MYL11: variants seen among roughly 807,000 people sequenced by gnomAD.
The protein encoded by MYL11 is myosin light chain 11.
the MYL11 span, among the ~76,000 whole-genome samples, chr16:30,373,284 C>T: frequency 1.1e-4 from 16 of 152,174 alleles, no homozygotes; most frequent in African/African-American, 3.4e-4. Context: ...TGGTGAAACG[C>T]CATCTCTACT....
At chr16:30,376,077 C>T in the MYL11 span, 1 of 1,565,406 alleles carries the variant, frequency 6.4e-7, no homozygotes, top group Non-Finnish European at 8.8e-7. Flanking sequence ...GCATCTGATC[C>T]TCCTGGGGTA....
chr16:30,373,879 TAC>T, the MYL11 span, among the ~76,000 whole-genome samples: 3 of 152,132 alleles, frequency 2.0e-5, no homozygotes, highest in Admixed American at 2.0e-4. Context: ...CCCTCACACT[TAC>T]ACACACTTGA....
the MYL11 span, chr16:30,376,720 C>T: frequency 6.2e-7 from 1 of 1,604,366 alleles, no homozygotes; most frequent in Non-Finnish European, 8.5e-7. Flanking sequence ...CTCCCCCACC[C>T]TTCCGACCCT....
chr16:30,376,965 C>A, the MYL11 span, among the ~76,000 whole-genome samples: 1 of 152,170 alleles, frequency 6.6e-6, no homozygotes, highest in Non-Finnish European at 1.5e-5. Context: ...GTAATCCCAG[C>A]ACTTTGGGAG....
chr16:30,373,571 G>C, the MYL11 span, among the ~76,000 whole-genome samples: 2 of 150,694 alleles, frequency 1.3e-5, no homozygotes, highest in Admixed American at 1.3e-4. Context: ...ACTCCAGCCC[G>C]GATAACAAAA....
At chr16:30,377,436 A>C in the MYL11 span, 1 of 448,684 alleles carries the variant, frequency 2.2e-6, no homozygotes, top group East Asian at 3.4e-5. Context: ...TGCCAGAGGT[A>C]AGGGAGTAGT....
the MYL11 span, chr16:30,377,819 C>A: frequency 1.9e-6 from 3 of 1,613,194 alleles, no homozygotes; most frequent in Non-Finnish European, 2.5e-6. Flanking sequence ...GGGCGGCCTT[C>A]CCCCCCGACG....
At chr16:30,377,715 C>A in the MYL11 span, 1 of 1,578,668 alleles carries the variant, frequency 6.3e-7, no homozygotes, top group Non-Finnish European at 8.7e-7. Flanking sequence ...GAGTGGGGAC[C>A]GGGGCGGGGC....
At chr16:30,376,061 G>C in the MYL11 span, 4 of 1,531,958 alleles carry the variant, frequency 2.6e-6, no homozygotes, top group Non-Finnish European at 3.6e-6. Context: ...AGTTGGCTGA[G>C]AGCCAGCATC....
At chr16:30,375,761 C>G in the MYL11 span, 1 of 1,400,460 alleles carries the variant, frequency 7.1e-7, no homozygotes, top group Non-Finnish European at 1.0e-6. Context: ...TAATCCATTG[C>G]CCCCAGAGAG....
chr16:30,371,972 G>C, the MYL11 span, among the ~76,000 whole-genome samples: 1 of 152,082 alleles, frequency 6.6e-6, no homozygotes, highest in East Asian at 1.9e-4. Flanking sequence ...GTGAGACCTA[G>C]CTCCCGACTT....
chr16:30,371,265 C>T, the MYL11 span, among the ~76,000 whole-genome samples: 2 of 152,152 alleles, frequency 1.3e-5, no homozygotes, highest in African/African-American at 2.4e-5. Flanking sequence ...ATTAGTGCAG[C>T]CCTCAACCAA....
the MYL11 span, chr16:30,374,934 G>T: frequency 6.4e-7 from 1 of 1,562,142 alleles, no homozygotes. Flanking sequence ...AAAGAAAGTA[G>T]CTGGTTCCCA....
chr16:30,376,736 C>A, the MYL11 span: 30 of 1,583,996 alleles, frequency 1.9e-5, no homozygotes, highest in Non-Finnish European at 2.6e-5. Flanking sequence ...ACCCTTCCCC[C>A]ACTCCACCAG....
chr16:30,374,886 C>T, the MYL11 span: 1 of 1,612,764 alleles, frequency 6.2e-7, no homozygotes, highest in South Asian at 1.1e-5. Flanking sequence ...CCAACCCCTG[C>T]CCAGATCCCT....
the MYL11 span, chr16:30,376,053 T>C: frequency 1.3e-6 from 2 of 1,516,380 alleles, no homozygotes; most frequent in African/African-American, 2.7e-5. Flanking sequence ...AAGAGGACAG[T>C]TGGCTGAGAG....
chr16:30,373,542 G>A, the MYL11 span, among the ~76,000 whole-genome samples: 2 of 150,768 alleles, frequency 1.3e-5, no homozygotes, highest in African/African-American at 4.9e-5. Flanking sequence ...GTTACAGTGA[G>A]CCAAGATCAC....
chr16:30,371,827 C>G, the MYL11 span, among the ~76,000 whole-genome samples: 1 of 152,168 alleles, frequency 6.6e-6, no homozygotes, highest in Non-Finnish European at 1.5e-5. Flanking sequence ...CTCATGAGCG[C>G]TCCAGGTTGT....
the MYL11 span, chr16:30,377,918 C>T: frequency 6.3e-6 from 10 of 1,592,132 alleles, no homozygotes; most frequent in South Asian, 5.5e-5. Context: ...CGCGGGCCTC[C>T]GCTGCCCGAC....
Sources: allele counts gnomAD v4.1 joint callset (sites outside exome capture counted in the v4.1 genomes callset), GRCh38; gene constraint gnomAD v4.1.1; transcripts MANE v1.5; gene names NCBI Gene and HGNC (gene_info 2026-07-23, HGNC 2026-07-21).